The following TLL2 variants were observed in gnomAD, a reference collection of about 807,000 sequenced individuals.
TLL2 encodes the protein tolloid like 2, also known as tolloid-like protein 2.
Under a neutral mutation model 123.0 loss-of-function variants are expected in TLL2, and 106 were observed. That is an observed-to-expected ratio of 0.86 (90% CI 0.74 to 1.01). The LOEUF is 1.01. Among genes scored for constraint, TLL2 ranks in the 50% least tolerant of loss-of-function variants. TLL2 has a pLI of 0.00. For missense variants in TLL2, 1,332 were observed against 1,336.7 expected (o/e 1.00, Z 0.06); for synonymous variants, 494 against 516.8 (o/e 0.96, Z 0.60).
chr10:96,404,011 G>T (rs7896958), intron 10 of TLL2, among the ~76,000 whole-genome samples: 140,567 of 147,634 alleles, frequency 0.95, 66,977 homozygotes, highest in Non-Finnish European at 0.98. Context: ...TCACATGTTT[G>T]TTGCTGACCT....
In TLL2 at chr10:96,495,668, G is replaced by A. The variant is rs550291056; in HGVS notation, c.176-15209C>T. Among the ~76,000 whole-genome samples the A allele has an allele frequency of 5.3e-5, 8 of 152,162 alleles. No homozygotes were observed. The East Asian group carries it at 5.8e-4, about 11-fold the overall frequency. ...AAATTTCAGGACTCTGCATTCAGGC[G>A]CGTTTGCAGAACAGGAGGGGAGAGG... On this transcript the variant is annotated intron_variant, in intron 1 of 20. Transcript: ENST00000357947.
chr10:96,460,624 C>T (rs559576883), intron 2 of TLL2, among the ~76,000 whole-genome samples: 28 of 152,248 alleles, frequency 1.8e-4, no homozygotes, highest in Non-Finnish European at 2.8e-4. Context: ...CCCCTTCTTT[C>T]GCTCTCTCCT....
chr10:96,407,716 A>G (rs1846464284), intron 9 of TLL2, among the ~76,000 whole-genome samples: 2 of 152,214 alleles, frequency 1.3e-5, no homozygotes, highest in African/African-American at 4.8e-5. Flanking sequence ...GTTTCGTCTC[A>G]GGACAAATCA....
chr10:96,411,718 T>G (rs1043814639), intron 8 of TLL2, among the ~76,000 whole-genome samples: 2 of 152,230 alleles, frequency 1.3e-5, no homozygotes, highest in African/African-American at 2.4e-5. Flanking sequence ...CATCTTTTCC[T>G]TACATGCAGT....
chr10:96,389,297 C>G (rs1335300365), intron 13 of TLL2, among the ~76,000 whole-genome samples: 1 of 152,108 alleles, frequency 6.6e-6, no homozygotes, highest in Non-Finnish European at 1.5e-5. Context: ...ATGTGAAGTA[C>G]CCGGCATACA....
intron 8 of TLL2, among the ~76,000 whole-genome samples, chr10:96,412,581 C>G (rs1269147722): frequency 6.6e-6 from 1 of 152,112 alleles, no homozygotes; most frequent in African/African-American, 2.4e-5. Context: ...CCAAACGGGC[C>G]AGGGAACAGG....
In TLL2 at chr10:96,401,503, T is replaced by TACACAC. The variant is rs60660163; in HGVS notation, c.1267+3723_1267+3728dup. Among the ~76,000 whole-genome samples, 404 of 148,002 alleles carry TACACAC rather than the reference T, an allele frequency of 2.7e-3. 1 individual carries two copies. The highest frequency in any genetic ancestry group is 8.2e-3 in the African/African-American group (330 of 40,328). On this transcript the variant is annotated intron_variant, in intron 10 of 20. Coordinates refer to ENST00000357947, the MANE Select transcript of TLL2 (RefSeq NM_012465.4). ...ATGACGGTTACAGGCGCTGGCACTC[T>TACACAC]ACACACACACACACACACACACGCA...
intron 10 of TLL2, among the ~76,000 whole-genome samples, chr10:96,399,441 T>C (rs976567563): frequency 1.3e-5 from 2 of 152,182 alleles, no homozygotes; most frequent in African/African-American, 2.4e-5. Flanking sequence ...GTGTTGTACA[T>C]GGTTTGGGGA....
At chr10:96,505,603 C>G (rs1847571013) in intron 1 of TLL2, among the ~76,000 whole-genome samples, 1 of 152,164 alleles carries the variant, frequency 6.6e-6, no homozygotes, top group Admixed American at 6.5e-5. Context: ...TCCCAGCAAG[C>G]CTAGGCAGGT....
At chr10:96,452,967 G>A (rs557627606) in intron 2 of TLL2, among the ~76,000 whole-genome samples, 7 of 152,198 alleles carry the variant, frequency 4.6e-5, no homozygotes, top group Admixed American at 2.0e-4. Flanking sequence ...TTTTATATCC[G>A]TGCCAAATTT....
chr10:96,410,478 C>T lies in TLL2; in HGVS notation c.1049-4G>A. ...TCCTGCAGGGTCTCCCCACACGCTG[C>T]ACAAGCAAAATCACAACTGTGATGT... On this transcript the variant is annotated splice_polypyrimidine_tract_variant and splice_region_variant and intron_variant, in intron 8 of 20. Transcript: ENST00000357947. 6.2e-7 allele frequency: 1 copy of T among 1,612,970 alleles called. No homozygotes were observed. Among genetic ancestry groups the T allele is most frequent in the Non-Finnish European group, 8.5e-7 (1 of 1,179,114 alleles).
In TLL2 at chr10:96,462,428, T is replaced by C. The variant is rs538433815; in HGVS notation, c.287-16260A>G. On this transcript the variant is annotated intron_variant, in intron 2 of 20. Coordinates refer to ENST00000357947, the MANE Select transcript of TLL2 (RefSeq NM_012465.4). ...TAAAGTTGTTGTGAGTAAATATCAG[T>C]GGCTGATAAATGACAGAAATTGATT... 2.0e-5 allele frequency among the ~76,000 whole-genome samples: 3 copies of C among 152,342 alleles called. No individual in the cohort carries two copies. The East Asian group carries it at 5.8e-4, about 29-fold the overall frequency.
intron 9 of TLL2, among the ~76,000 whole-genome samples, chr10:96,406,481 C>T (rs1846451396): frequency 6.6e-6 from 1 of 152,108 alleles, no homozygotes; most frequent in South Asian, 2.1e-4. Flanking sequence ...TCAGCAGTTC[C>T]TCTCTCTCCA....
At chr10:96,448,015 A>T (rs1461593270) in intron 2 of TLL2, among the ~76,000 whole-genome samples, 2 of 152,128 alleles carry the variant, frequency 1.3e-5, no homozygotes, top group African/African-American at 4.8e-5. Flanking sequence ...ATGACCCTGG[A>T]GACAGCCACG....
At chr10:96,436,265 T>G (rs1846794052) in intron 3 of TLL2, among the ~76,000 whole-genome samples, 1 of 152,260 alleles carries the variant, frequency 6.6e-6, no homozygotes. Flanking sequence ...CCTACTGATA[T>G]CATTGATGGC....
intron 3 of TLL2, among the ~76,000 whole-genome samples, chr10:96,442,463 G>A (rs2186070): frequency 0.96 from 145,446 of 152,262 alleles, 69,786 homozygotes; most frequent in East Asian, 1. Flanking sequence ...AAGGATGGAG[G>A]GACTGGTTAG....
intron 18 of TLL2, chr10:96,375,218 G>T (rs1250862748): frequency 6.6e-6 from 1 of 152,308 alleles, no homozygotes; most frequent in Non-Finnish European, 1.5e-5. Flanking sequence ...AGGCTCAGCA[G>T]GCAGGGAGCT....
At chr10:96,378,893 T>C (rs1846160843) in intron 17 of TLL2, 74 bp downstream of exon 17, 2 of 1,583,714 alleles carry the variant, frequency 1.3e-6, no homozygotes, top group South Asian at 1.1e-5. Flanking sequence ...TCCTTACTCA[T>C]GCACATGCAC....
At chr10:96,458,412 C>T (rs550058078) in intron 2 of TLL2, among the ~76,000 whole-genome samples, 32 of 152,002 alleles carry the variant, frequency 2.1e-4, no homozygotes, top group Middle Eastern at 3.4e-3. Flanking sequence ...CATGGAGAAA[C>T]GCTGTCTCTG....
Sources: allele counts gnomAD v4.1 joint callset (sites outside exome capture counted in the v4.1 genomes callset), GRCh38; gene constraint gnomAD v4.1.1; transcripts MANE v1.5; gene names NCBI Gene and HGNC (gene_info 2026-07-23, HGNC 2026-07-21).